Variants in SMAD6 observed in about 807,000 individuals in gnomAD.
SMAD6 encodes SMAD family member 6, also known as MAD homolog 6.
In SMAD6, 103 loss-of-function variants were observed where a neutral mutation model predicts 39.4. The observed-to-expected ratio is 2.62, with a 90% confidence interval of 2.23 to 3.08. The LOEUF is 3.08. Ranked by LOEUF, SMAD6 falls within the 30% of genes most tolerant of loss-of-function variation. SMAD6 has a pLI of 0.00. For synonymous variants in SMAD6, 445 were observed against 353.3 expected (o/e 1.26, Z -2.91); for missense variants, 1,104 against 742.9 (o/e 1.49, Z -5.65).
chr15:66,722,253 G>A (rs2469117), intron 3 of SMAD6, among the ~76,000 whole-genome samples: 30,816 of 152,222 alleles, frequency 0.2, 3,402 homozygotes, highest in African/African-American at 0.3. Context: ...AGCCTGTCAC[G>A]TGAGAGTGCT....
At chr15:66,718,933 A>G (rs1893382006) in intron 3 of SMAD6, among the ~76,000 whole-genome samples, 1 of 152,244 alleles carries the variant, frequency 6.6e-6, no homozygotes, top group Non-Finnish European at 1.5e-5. Flanking sequence ...AGAGGTGGGC[A>G]CAATGTGTTG....
chr15:66,761,268 A>G (rs1020063599), intron 3 of SMAD6, among the ~76,000 whole-genome samples: 7 of 152,140 alleles, frequency 4.6e-5, no homozygotes, highest in African/African-American at 1.4e-4. Context: ...GCCCCGTACA[A>G]TGGAAGGGGT....
chr15:66,719,609 G>A (rs1039860562), intron 3 of SMAD6, among the ~76,000 whole-genome samples: 10 of 152,318 alleles, frequency 6.6e-5, no homozygotes, highest in African/African-American at 2.2e-4. Flanking sequence ...TCCCAGCGCT[G>A]GGCCTGGGAC....
chr15:66,736,234 A>G (rs1036362722), intron 3 of SMAD6, among the ~76,000 whole-genome samples: 2 of 152,222 alleles, frequency 1.3e-5, no homozygotes, highest in African/African-American at 4.8e-5. Context: ...CAGGATGCCC[A>G]TTTATATTTG....
intron 1 of SMAD6, among the ~76,000 whole-genome samples, chr15:66,710,460 G>T (rs868648460): frequency 6.6e-6 from 1 of 152,204 alleles, no homozygotes. Flanking sequence ...TGGAAAAGCC[G>T]GGGTGGGGAA....
At chr15:66,775,615 C>T (rs1894453592) in intron 3 of SMAD6, among the ~76,000 whole-genome samples, 1 of 152,166 alleles carries the variant, frequency 6.6e-6, no homozygotes, top group Admixed American at 6.5e-5. Context: ...CTCCTCTCCT[C>T]CTCCCCCTGG....
rs774426002 is a variant in SMAD6 at position 66,755,324 on chromosome 15, T to C, written c.953-25673T>C. ...GGACTCACAGGCCCAGCCAGCGTGG[T>C]AGGCTGGCTTTACATTGATCTTTTT... On this transcript the variant is annotated intron_variant, in intron 3 of 3. Coordinates refer to ENST00000288840, the MANE Select transcript of SMAD6 (RefSeq NM_005585.5). Among the ~76,000 whole-genome samples the C allele has an allele frequency of 6.6e-5, 10 of 152,178 alleles. No individual in the cohort carries two copies. In the South Asian group the frequency reaches 1.0e-3, roughly 16 times the overall value.
intron 3 of SMAD6, among the ~76,000 whole-genome samples, chr15:66,762,669 G>A (rs1321475886): frequency 1.3e-5 from 2 of 152,022 alleles, no homozygotes; most frequent in Non-Finnish European, 2.9e-5. Context: ...CGCCATGAGA[G>A]GAAAGAGGGC....
chr15:66,765,550 GT>G (rs1160027369), intron 3 of SMAD6, among the ~76,000 whole-genome samples: 1 of 152,128 alleles, frequency 6.6e-6, no homozygotes, highest in Admixed American at 6.5e-5. Context: ...TTAAGTCTTG[GT>G]GTATCCCTTT....
rs535230834 is a variant in SMAD6, at chr15:66,745,173, C to G, written c.952+28675C>G. ...TGGAAATAAGGTGATCCAACTCTTC[C>G]CTGGCTGCCCCTCTGTTTTGAATAA... On this transcript the variant is annotated intron_variant, in intron 3 of 3. Transcript: ENST00000288840. Among the ~76,000 whole-genome samples, 6 of 152,256 alleles carry G rather than the reference C, an allele frequency of 3.9e-5. No individual in the cohort carries two copies. The East Asian group carries it at 9.7e-4, about 24-fold the overall frequency.
At chr15:66,720,478 G>C (rs1479183975) in intron 3 of SMAD6, among the ~76,000 whole-genome samples, 1 of 152,158 alleles carries the variant, frequency 6.6e-6, no homozygotes, top group Non-Finnish European at 1.5e-5. Flanking sequence ...TGAAGTGGCA[G>C]GGCTGCTTAA....
rs1893843424 is a variant in SMAD6 at position 66,743,026 on chromosome 15, A to G, written c.952+26528A>G. On this transcript the variant is annotated intron_variant, in intron 3 of 3. Coordinates refer to ENST00000288840, the MANE Select transcript of SMAD6 (RefSeq NM_005585.5). The stretch of plus-strand genomic sequence containing the variant: ...TGTGACCGTTCCCTCTGTGGGCCTC[A>G]GTTTCCCCCTCTGTCAAATAACAGG... 3.3e-5 allele frequency among the ~76,000 whole-genome samples: 5 copies of G among 152,044 alleles called. No homozygotes were observed. In the South Asian group the frequency reaches 1.0e-3, roughly 32 times the overall value.
intron 3 of SMAD6, among the ~76,000 whole-genome samples, chr15:66,734,175 G>A (rs1473395921): frequency 6.6e-6 from 1 of 152,208 alleles, no homozygotes; most frequent in African/African-American, 2.4e-5. Context: ...CCTCAGGAGT[G>A]GCCAGTTCAC....
intron 3 of SMAD6, among the ~76,000 whole-genome samples, chr15:66,743,948 A>C (rs1164461936): frequency 6.6e-6 from 1 of 150,390 alleles, no homozygotes; most frequent in Non-Finnish European, 1.5e-5. Context: ...TGTTGCAGTG[A>C]CTTTTTTTTT....
chr15:66,714,098 A>C (rs765309398), intron 2 of SMAD6, among the ~76,000 whole-genome samples: 4 of 152,164 alleles, frequency 2.6e-5, no homozygotes, highest in Admixed American at 6.5e-5. Flanking sequence ...TAGAGAAAAA[A>C]ACCCTCAAAA....
intron 3 of SMAD6, among the ~76,000 whole-genome samples, chr15:66,755,197 C>T (rs1220302178): frequency 2.0e-5 from 3 of 152,122 alleles, no homozygotes; most frequent in Non-Finnish European, 4.4e-5. Flanking sequence ...GGAGTCATGG[C>T]CCACTACGAA....
chr15:66,742,640 T>C (rs1893835318), intron 3 of SMAD6, among the ~76,000 whole-genome samples: 2 of 152,262 alleles, frequency 1.3e-5, no homozygotes, highest in East Asian at 3.9e-4. Context: ...TCAGCCACAA[T>C]TGACCCCATT....
intron 3 of SMAD6, among the ~76,000 whole-genome samples, chr15:66,728,368 C>T (rs1359756312): frequency 1.3e-5 from 2 of 152,026 alleles, no homozygotes; most frequent in Non-Finnish European, 2.9e-5. Flanking sequence ...GCTTCTTTAA[C>T]TCAACAGAAT....
intron 3 of SMAD6, chr15:66,717,293 G>A (rs1335290473): frequency 2.1e-6 from 1 of 479,468 alleles, no homozygotes; most frequent in African/African-American, 2.0e-5. Flanking sequence ...TGTCTGGATG[G>A]CTGTGTGTCT....
Sources: gnomAD v4.1 joint callset for allele counts (sites outside exome capture counted in the v4.1 genomes callset) on GRCh38, gnomAD v4.1.1 for gene constraint, MANE v1.5 for transcripts, NCBI Gene and HGNC (gene_info 2026-07-23, HGNC 2026-07-21) for gene names.